KLF3: variants seen among roughly 807,000 people sequenced by gnomAD.
KLF3 encodes the protein Krueppel-like factor 3.
KLF3 carries 6 observed loss-of-function variants against 32.7 expected under a neutral mutation model. The ratio of observed to expected loss-of-function variants is 0.18; its 90% CI spans 0.10 to 0.36. KLF3 has a LOEUF of 0.36. KLF3 is among the 10% of genes least tolerant of loss of function. The pLI is 1.00. For synonymous variants in KLF3, 145 were observed against 172.8 expected, an observed-to-expected ratio of 0.84 and a Z score of 1.26; for missense variants, 338 against 449.7, an observed-to-expected ratio of 0.75 and a Z score of 2.25.
chr4:38,682,324 G>T (rs1722553954), intron 2 of KLF3, among the ~76,000 whole-genome samples: 1 of 152,332 alleles, frequency 6.6e-6, no homozygotes, highest in East Asian at 1.9e-4. Flanking sequence ...CTCCCAAAGT[G>T]CTGGGATTAC....
intron 4 of KLF3, chr4:38,690,640 A>G (rs966581656): frequency 5.3e-5 from 8 of 152,172 alleles, no homozygotes; most frequent in African/African-American, 1.4e-4. Context: ...GTGCTTCAGC[A>G]TTGGATTCAG....
chr4:38,687,332 A>G (rs1021496372), intron 2 of KLF3, among the ~76,000 whole-genome samples: 3 of 152,234 alleles, frequency 2.0e-5, no homozygotes, highest in Admixed American at 6.5e-5. Flanking sequence ...TTTTAAATTA[A>G]AAATTAGGTT....
intron 2 of KLF3, among the ~76,000 whole-genome samples, chr4:38,686,757 C>G (rs1235674600): frequency 6.6e-6 from 1 of 152,048 alleles, no homozygotes; most frequent in Non-Finnish European, 1.5e-5. Context: ...GTAGGTTATC[C>G]CATAACCTTG....
chr4:38,693,995 G>GTA, intron 4 of KLF3, among the ~76,000 whole-genome samples: 1 of 152,286 alleles, frequency 6.6e-6, no homozygotes. Flanking sequence ...GCATGCCATG[G>GTA]GGGAGCCGGC....
rs113004258 is a variant in KLF3 at position 38,697,960 on chromosome 4, T to C, written c.*697T>C. ...TCAAGGGAAGGGTGCTGTGTTTTCA[T>C]AGCATGGAGTCGGAGGAGAGGGCCA... On this transcript the variant is annotated 3_prime_UTR_variant, in exon 6 of 6. Transcript: ENST00000261438. 1 of 152,218 alleles carries C rather than the reference T, an allele frequency of 6.6e-6. No individual in the cohort carries two copies. Among genetic ancestry groups the C allele is most frequent in the Non-Finnish European group, 1.5e-5 (1 of 68,056 alleles). The allele number at this position is 152,218 out of a possible 1,614,324, so 9.4% of individuals were successfully genotyped here.
chr4:38,686,306 C>T (rs1035153858), intron 2 of KLF3, among the ~76,000 whole-genome samples: 1 of 151,628 alleles, frequency 6.6e-6, no homozygotes, highest in Admixed American at 6.6e-5. Flanking sequence ...ATTAGCGAGG[C>T]GTGGTGTCAT....
intron 5 of KLF3, among the ~76,000 whole-genome samples, chr4:38,695,562 T>G (rs1052865355): frequency 8.5e-5 from 13 of 152,116 alleles, no homozygotes; most frequent in Non-Finnish European, 1.6e-4. Flanking sequence ...TAAAACATCT[T>G]AAGGAAATAA....
At chr4:38,685,433 T>A (rs1355194173) in intron 2 of KLF3, among the ~76,000 whole-genome samples, 1 of 152,200 alleles carries the variant, frequency 6.6e-6, no homozygotes, top group Non-Finnish European at 1.5e-5. Context: ...GAGAACAGAC[T>A]TATCAGCAAA....
intron 1 of KLF3, among the ~76,000 whole-genome samples, chr4:38,678,378 C>T (rs144541592): frequency 2.2e-4 from 34 of 152,310 alleles, no homozygotes; most frequent in Non-Finnish European, 4.6e-4. Context: ...TTTCATCCCT[C>T]ATTACGAAAT....
chr4:38,676,865 G>T (rs1375959057), intron 1 of KLF3, among the ~76,000 whole-genome samples: 1 of 151,180 alleles, frequency 6.6e-6, no homozygotes, highest in East Asian at 1.9e-4. Flanking sequence ...ATCAACATTT[G>T]GATTACTTTG....
rs746067790 is a variant in KLF3, at chr4:38,674,584, G to A, written c.-39-6003G>A. ...GTTAGTGTATTGCTCCGTATGCCTA[G>A]CCGAGGTCAGCTGGGAGACGGAAGT... On this transcript the variant is annotated intron_variant, in intron 1 of 5. Transcript: ENST00000261438. The surrounding 1 kb of genome is among the most constrained non-coding windows in gnomAD (Gnocchi z 4.1). Among the ~76,000 whole-genome samples, 50 of 152,254 alleles carry A rather than the reference G, an allele frequency of 3.3e-4. No homozygotes were observed. Among genetic ancestry groups the A allele is most frequent in the Non-Finnish European group, 6.6e-4 (45 of 68,020 alleles).
At chr4:38,673,174 T>G (rs1322542184) in intron 1 of KLF3, among the ~76,000 whole-genome samples, 1 of 152,176 alleles carries the variant, frequency 6.6e-6, no homozygotes, top group Non-Finnish European at 1.5e-5. Context: ...AGCCCCATGG[T>G]TCCTTCTGGT....
intron 2 of KLF3, among the ~76,000 whole-genome samples, chr4:38,682,243 T>G (rs7698742): frequency 0.99 from 151,262 of 152,304 alleles, 75,118 homozygotes; most frequent in East Asian, 1. Context: ...ATTTTCAGTA[T>G]AGGCCAGGTT....
Position 38,697,481 on chromosome 4 carries a change from C to A in KLF3, c.*218C>A. 4.9e-6 allele frequency: 2 copies of A among 404,670 alleles called. No homozygotes were observed. The highest frequency in any genetic ancestry group is 8.7e-6 in the Non-Finnish European group (2 of 229,200). The allele number at this position is 404,670 out of a possible 1,614,324, so 25.1% of individuals were successfully genotyped here. ...ACGGGTCAGACCTAAAGAATGTGAA[C>A]ACTTTTTTTTTTTTTTCTGGGGATG... On this transcript the variant is annotated 3_prime_UTR_variant, in exon 6 of 6. Transcript: ENST00000261438.
intron 1 of KLF3, chr4:38,665,010 C>T (rs1444068988): frequency 1.3e-5 from 2 of 150,772 alleles, no homozygotes; most frequent in Non-Finnish European, 3.0e-5. Context: ...CCCGCCGCCC[C>T]CCTCCCAGGA....
chr4:38,672,860 G>T (rs1390685616), intron 1 of KLF3, among the ~76,000 whole-genome samples: 1 of 152,202 alleles, frequency 6.6e-6, no homozygotes, highest in Non-Finnish European at 1.5e-5. Context: ...GGCCCCCAAG[G>T]CAGGAGGGGA....
At chr4:38,683,884 T>G (rs922902224) in intron 2 of KLF3, among the ~76,000 whole-genome samples, 1 of 150,816 alleles carries the variant, frequency 6.6e-6, no homozygotes, top group Non-Finnish European at 1.5e-5. Flanking sequence ...TAACAGAAAC[T>G]TTTCATGGCT....
rs997366701 is a variant in KLF3 at position 38,697,506 on chromosome 4, G to A, written c.*243G>A. ...CACTTTTTTTTTTTTTTCTGGGGAT[G>A]CTAAGCAAACCCTTCTTACAGATAC... On this transcript the variant is annotated 3_prime_UTR_variant, in exon 6 of 6. Coordinates refer to ENST00000261438, the MANE Select transcript of KLF3 (RefSeq NM_016531.6). 2.5e-6 allele frequency: 1 copy of A among 397,318 alleles called. No individual in the cohort carries two copies. The highest frequency in any genetic ancestry group is 4.5e-6 in the Non-Finnish European group (1 of 223,348). The allele number at this position is 397,318 out of a possible 1,614,324, so 24.6% of individuals were successfully genotyped here.
At chr4:38,692,549 C>T (rs1722904446) in intron 4 of KLF3, among the ~76,000 whole-genome samples, 1 of 152,202 alleles carries the variant, frequency 6.6e-6, no homozygotes, top group Non-Finnish European at 1.5e-5. Context: ...ATATAACCTT[C>T]TGAGATAACA....
Sources: allele counts gnomAD v4.1 joint callset (sites outside exome capture counted in the v4.1 genomes callset), GRCh38; gene constraint gnomAD v4.1.1; non-coding constraint Gnocchi (gnomAD v3.1); transcripts MANE v1.5; gene names NCBI Gene and HGNC (gene_info 2026-07-23, HGNC 2026-07-21).